Variants in KCNQ4 observed in about 807,000 individuals in gnomAD.
KCNQ4 encodes the protein potassium voltage-gated channel subfamily KQT member 4.
KCNQ4 carries 31 observed loss-of-function variants against 72.6 expected under a neutral mutation model. The ratio of observed to expected loss-of-function variants is 0.43; its 90% confidence interval spans 0.32 to 0.58. KCNQ4 has a LOEUF of 0.58. Ranked by LOEUF, KCNQ4 falls within the 20% of genes least tolerant of loss-of-function variation. The probability of loss-of-function intolerance (pLI) is 0.08; values close to 1 mark genes in which losing one functional copy is unlikely to be tolerated. For synonymous variants in KCNQ4, 405 were observed against 403.7 expected (o/e 1.00, Z -0.04); for missense variants, 869 against 962.6 (o/e 0.90, Z 1.29).
rs1457256590 is a variant in KCNQ4, at chr1:40,788,739, A to G, written c.314+4332A>G. 2.6e-5 allele frequency among the ~76,000 whole-genome samples: 4 copies of G among 152,194 alleles called. No individual in the cohort carries two copies. The highest frequency in any genetic ancestry group is 5.9e-5 in the Non-Finnish European group (4 of 68,034). ...CCGTCCATCCCAGCACCCCGCACAC[A>G]GTCAGCAGGGGGTGGGCAGTGATGG... On this transcript the variant is annotated intron_variant, in intron 1 of 13. Transcript: ENST00000347132. The surrounding 1 kb of genome is among the most constrained non-coding windows in gnomAD (Gnocchi z 4.5).
At position 40,838,437 on chromosome 1, in the gene KCNQ4, T is replaced by G; in HGVS notation, c.2002T>G (p.Tyr668Asp). 6.2e-7 allele frequency: 1 copy of G among 1,614,120 alleles called. No homozygotes were observed. Among genetic ancestry groups the G allele is most frequent in the East Asian group, 2.2e-5 (1 of 44,878 alleles). ...PLFDPDITSD[Y>D]HSPVDHEDIS... ...GTTCGACCCCGACATCACCTCCGACTACCACAGCCCTGTGGACCACGAGGA... is the reference window on the plus strand; with the variant it reads ...GTTCGACCCCGACATCACCTCCGACGACCACAGCCCTGTGGACCACGAGGA... The change falls in exon 14 of 14, where the codon TAC becomes GAC. Residue 668 changes from tyrosine (Y) to aspartate (D), a missense_variant. Tyr to Asp is a radical substitution (Grantham distance 160, BLOSUM62 -3). Coordinates refer to ENST00000347132, the MANE Select transcript of KCNQ4 (RefSeq NM_004700.4).
At chr1:40,829,940 TGGTTAACCA>T (rs1648587938) in intron 9 of KCNQ4, among the ~76,000 whole-genome samples, 1 of 152,236 alleles carries the variant, frequency 6.6e-6, no homozygotes, top group Admixed American at 6.5e-5. Flanking sequence ...TACCAGATCA[TGGTTAACCA>T]GGGCTTGTCC....
At position 40,838,291 on chromosome 1, in the gene KCNQ4, C is replaced by A. The variant is rs746704097; in HGVS notation, c.1876-20C>A. 6.2e-7 allele frequency: 1 copy of A among 1,610,482 alleles called. No individual in the cohort carries two copies. The highest frequency in any genetic ancestry group is 8.5e-7 in the Non-Finnish European group (1 of 1,178,304). ...CCCTCCGGTCCCAGGCCCTGCTTCC[C>A]AGCTGCGCCCCGTCCCCAGGTGCAG... On this transcript the variant is annotated intron_variant, in intron 13 of 13. Transcript: ENST00000347132.
chr1:40,818,087 C>A, intron 2 of KCNQ4, 77 bp from the exon 3 acceptor site: 2 of 1,603,270 alleles, frequency 1.2e-6, no homozygotes, highest in Admixed American at 1.7e-5. Context: ...CCCAGGGACT[C>A]TTGGCTGGGT....
chr1:40,796,491 C>T (rs962258202), intron 1 of KCNQ4, among the ~76,000 whole-genome samples: 27 of 152,252 alleles, frequency 1.8e-4, no homozygotes, highest in African/African-American at 6.3e-4. Context: ...TGCCTGGGTA[C>T]ATGTAGCAGG....
In KCNQ4 at chr1:40,838,563, C is replaced by T. The variant is rs1432175490; in HGVS notation, c.*40C>T. On this transcript the variant is annotated 3_prime_UTR_variant, in exon 14 of 14. Transcript: ENST00000347132. Reference sequence around the variant, plus strand: ...GCAGGGCAGCACACGGCCAGCCCCGCGGCCTGGCGCTCCGACTGCCCTCTG... The same window carrying T: ...GCAGGGCAGCACACGGCCAGCCCCGTGGCCTGGCGCTCCGACTGCCCTCTG... 6 of 1,581,294 alleles carry T rather than the reference C, an allele frequency of 3.8e-6. No homozygotes were observed. The highest frequency in any genetic ancestry group is 1.3e-5 in the African/African-American group (1 of 74,418).
At chr1:40,830,936 C>T in intron 9 of KCNQ4, 148 bp from the exon 10 acceptor site, 3 of 692,266 alleles carry the variant, frequency 4.3e-6, no homozygotes, top group Admixed American at 4.2e-5. Flanking sequence ...TCCCTTACCA[C>T]ATCCTTGTTC....
rs553134384 is a variant in KCNQ4 at position 40,800,476 on chromosome 1, C to T, written c.314+16069C>T. Among the ~76,000 whole-genome samples, 153 of 152,322 alleles carry T rather than the reference C, an allele frequency of 1.0e-3. 1 individual carries two copies. The highest frequency in any genetic ancestry group is 3.5e-3 in the African/African-American group (144 of 41,570). ...ATATTTAGACTTATGGTATGTGGGT[C>T]TCCATTTATACTCTCTCCCCAGTCC... On this transcript the variant is annotated intron_variant, in intron 1 of 13. Coordinates refer to ENST00000347132, the MANE Select transcript of KCNQ4 (RefSeq NM_004700.4).
chr1:40,835,044 A>C lies in KCNQ4; in HGVS notation c.1691A>C (p.Gln564Pro). 1 of 1,614,156 alleles carries C rather than the reference A, an allele frequency of 6.2e-7. No homozygotes were observed. Among genetic ancestry groups the C allele is most frequent in the Non-Finnish European group, 8.5e-7 (1 of 1,179,988 alleles). ...TACGACGTGAAGGACGTCATTGAGCAGTACTCAGCAGGCCACCTGGACATG... is the reference window on the plus strand; with the variant it reads ...TACGACGTGAAGGACGTCATTGAGCCGTACTCAGCAGGCCACCTGGACATG... ...RPYDVKDVIE[Q>P]YSAGHLDMLG... is the part of the protein sequence containing the mutation. Residue 564 changes from glutamine to proline, a missense_variant, in exon 12 of 14, where the codon CAG (glutamine) becomes CCG (proline). Gln to Pro is a moderately conservative substitution (Grantham distance 76). Coordinates refer to ENST00000347132, the MANE Select transcript of KCNQ4 (RefSeq NM_004700.4).
intron 1 of KCNQ4, among the ~76,000 whole-genome samples, chr1:40,810,564 C>G (rs1460827486): frequency 6.6e-6 from 1 of 151,444 alleles, no homozygotes; most frequent in East Asian, 1.9e-4. Flanking sequence ...TGCCATCTTT[C>G]CTACCCCCAT....
At chr1:40,798,702 G>A (rs1211603656) in intron 1 of KCNQ4, among the ~76,000 whole-genome samples, 2 of 152,178 alleles carry the variant, frequency 1.3e-5, no homozygotes, top group African/African-American at 4.8e-5. Context: ...GTGTCTCAAC[G>A]AGACCCATCG....
At position 40,784,553 on chromosome 1, in the gene KCNQ4, C is replaced by T; in HGVS notation, c.314+146C>T. The T allele has an allele frequency of 1.3e-6, 1 of 792,220 alleles. No homozygotes were observed. 49.1% of individuals were successfully genotyped at this position (792,220 alleles called of 1,614,324 possible). A position where few individuals can be genotyped will look rare whatever the true frequency, so the allele number is the denominator to read the frequency against. On this transcript the variant is annotated intron_variant, in intron 1 of 13. Coordinates refer to ENST00000347132, the MANE Select transcript of KCNQ4 (RefSeq NM_004700.4). The surrounding 1 kb of genome is among the most constrained non-coding windows in gnomAD (Gnocchi z 4.1). ...CTCCCCCCAGGCCTAAGCCCGGTTT[C>T]TGATCCCCTCGCTGAGCCCGACCCT...
At chr1:40,818,760 G>A in intron 4 of KCNQ4, 80 bp downstream of exon 4, 1 of 1,454,880 alleles carries the variant, frequency 6.9e-7, no homozygotes, top group South Asian at 1.2e-5. Flanking sequence ...AGAGGGCGAG[G>A]TCAGAGGGGC....
intron 1 of KCNQ4, among the ~76,000 whole-genome samples, chr1:40,806,284 A>C (rs530924483): frequency 1.3e-5 from 2 of 152,172 alleles, no homozygotes; most frequent in Admixed American, 1.3e-4. Context: ...ATTCCACCCC[A>C]TGTTTCCCCT....
chr1:40,817,478 G>A lies in KCNQ4; in HGVS notation c.405+123G>A, dbSNP rs920449780. 1.5e-6 allele frequency: 1 copy of A among 674,714 alleles called. No individual in the cohort carries two copies. The highest frequency in any genetic ancestry group is 2.5e-6 in the Non-Finnish European group (1 of 394,104). The allele number at this position is 674,714 out of a possible 1,614,324, so 41.8% of individuals were successfully genotyped here. On this transcript the variant is annotated intron_variant, in intron 2 of 13. Transcript: ENST00000347132. This position sits in a 1 kb window ranked among gnomAD's most constrained non-coding sequence, Gnocchi z 5.5. ...TGGGCTGGGAGTCCGGGACTGAAGG[G>A]GGCTGTGTGAGGTAGCACCTCTGGG...
rs1648220823 is a variant in KCNQ4, at chr1:40,819,610, GAGACC to G, written c.834+141_834+145del. On this transcript the variant is annotated intron_variant, in intron 5 of 13. Coordinates refer to ENST00000347132, the MANE Select transcript of KCNQ4 (RefSeq NM_004700.4). ...CTCTCACTAGAGCTGGGACCCCCCT[GAGACC>G]AGCCCCAATGCTAACCCCCCAACCT... 32 of 1,204,502 alleles carry G rather than the reference GAGACC, an allele frequency of 2.7e-5. 1 individual carries two copies. The South Asian group carries it at 4.3e-4, about 16-fold the overall frequency. 74.6% of individuals were successfully genotyped at this position (1,204,502 alleles called of 1,614,324 possible).
intron 10 of KCNQ4, among the ~76,000 whole-genome samples, chr1:40,831,650 A>G (rs1006213654): frequency 6.6e-6 from 1 of 152,196 alleles, no homozygotes; most frequent in Non-Finnish European, 1.5e-5. Flanking sequence ...ATAAAATGGG[A>G]ACAATAATAG....
chr1:40,837,658 C>T lies in KCNQ4; in HGVS notation c.1746-7C>T, dbSNP rs971962897. The T allele has an allele frequency of 6.2e-7, 1 of 1,612,686 alleles. No homozygotes were observed. Among genetic ancestry groups the T allele is most frequent in the African/African-American group, 1.3e-5 (1 of 74,908 alleles). On this transcript the variant is annotated splice_region_variant and splice_polypyrimidine_tract_variant and intron_variant, in intron 12 of 13. Coordinates refer to ENST00000347132, the MANE Select transcript of KCNQ4 (RefSeq NM_004700.4). ...CCCGGGCCCTCTGATGGTTCCCTTA[C>T]CCTTAGGGTGGACCAAATTGTGGGT... is the stretch of plus-strand genomic sequence containing the variant.
Position 40,819,358 on chromosome 1 carries a change from C to T in KCNQ4, c.720C>T (p.Thr240=). Residue 240 remains threonine (T), a synonymous_variant, in exon 5 of 14, where the codon ACC becomes ACT. Transcript: ENST00000347132. ...CGCCTGCCCCGCAGGAGCTGATCAC[C>T]GCCTGGTACATCGGGTTCCTGGTGC... is the stretch of plus-strand genomic sequence containing the variant. ...VVYAHSKELI[T]AWYIGFLVLI... 6.2e-7 allele frequency: 1 copy of T among 1,613,832 alleles called. No homozygotes were observed. The highest frequency in any genetic ancestry group is 8.5e-7 in the Non-Finnish European group (1 of 1,179,966).
Sources: gnomAD v4.1 joint callset for allele counts (sites outside exome capture counted in the v4.1 genomes callset) on GRCh38, gnomAD v4.1.1 for gene constraint, Gnocchi (gnomAD v3.1) non-coding constraint, MANE v1.5 for transcripts, NCBI Gene and HGNC (gene_info 2026-07-23, HGNC 2026-07-21) for gene names.